Variants in MTRR observed in about 807,000 individuals in gnomAD.
MTRR encodes methionine synthase reductase.
Under a neutral mutation model 79.2 loss-of-function variants are expected in MTRR, and 63 were observed. The observed-to-expected ratio is 0.80, with a 90% CI of 0.65 to 0.98. The LOEUF (loss-of-function observed/expected upper bound fraction) is 0.98, where lower values mean the gene tolerates loss of function less well. Ranked by LOEUF, MTRR falls within the 50% of genes least tolerant of loss-of-function variation. MTRR has a pLI of 0.00. For missense variants in MTRR, 895 were observed against 839.6 expected, an observed-to-expected ratio of 1.07 and a Z score of -0.82; for synonymous variants, 355 against 313.3, an observed-to-expected ratio of 1.13 and a Z score of -1.41.
chr5:7,884,633 A>C lies in MTRR; in HGVS notation c.904-1068A>C, dbSNP rs1736117587. ...AACATTTACGTACAGTTTTAGTCTG[A>C]GATGTGCCTCGATGCACCCCCTCCA... On this transcript the variant is annotated intron_variant, in intron 6 of 14. Coordinates refer to ENST00000440940, the MANE Select transcript of MTRR (RefSeq NM_002454.3). Among the ~76,000 whole-genome samples, 4 of 152,148 alleles carry C rather than the reference A, an allele frequency of 2.6e-5. No individual in the cohort carries two copies. In the South Asian group the frequency reaches 6.2e-4, roughly 24 times the overall value.
chr5:7,873,602 A>G, intron 3 of MTRR, 76 bp downstream of exon 3: 3 of 1,518,622 alleles, frequency 2.0e-6, no homozygotes, highest in Non-Finnish European at 2.7e-6. Context: ...TTTCAGAACT[A>G]TGAAGTGTGA....
chr5:7,869,270 TCTC>T lies in MTRR; in HGVS notation c.-26+58_-26+60del, dbSNP rs141755990. On this transcript the variant is annotated intron_variant, in intron 1 of 14. Transcript: ENST00000440940. ...ATTCCGGCCGCTCGCCCTGCACTAA[TCTC>T]CTGGGAGAGGCGGCCCGGGGCGGGG... The T allele has an allele frequency of 5.8e-3, 9,237 of 1,593,264 alleles. 487 individuals carry two copies. The African/African-American group carries it at 0.11, about 19-fold the overall frequency.
intron 2 of MTRR, chr5:7,872,247 A>T (rs1352540652): frequency 2.2e-6 from 1 of 454,864 alleles, no homozygotes; most frequent in Non-Finnish European, 4.4e-6. Flanking sequence ...AATAAGGTGA[A>T]TTATTTGGAG....
At chr5:7,890,492 A>G (rs1737362016) in intron 9 of MTRR, 1 of 862,938 alleles carries the variant, frequency 1.2e-6, no homozygotes, top group Admixed American at 6.2e-5. Flanking sequence ...ATTTTTTGTT[A>G]CCTTTTAGAA....
chr5:7,875,187 T>G, intron 3 of MTRR, 71 bp from the exon 4 acceptor site: 1 of 997,904 alleles, frequency 1.0e-6, no homozygotes, highest in Non-Finnish European at 1.6e-6. Flanking sequence ...TTTAGATATT[T>G]TATTTACCTA....
intron 1 of MTRR, chr5:7,859,408 C>T (rs375437966): frequency 3.1e-5 from 44 of 1,409,550 alleles, no homozygotes; most frequent in Admixed American, 5.9e-5. Flanking sequence ...GCAAGTTCTT[C>T]CATTGTTTGA....
At position 7,875,362 on chromosome 5, in the gene MTRR, G is replaced by C; in HGVS notation, c.388G>C (p.Asp130His). Residue 130 changes from aspartate to histidine, a missense_variant, in exon 4 of 15, where the codon GAT becomes CAT. Coordinates refer to ENST00000440940, the MANE Select transcript of MTRR (RefSeq NM_002454.3). ...ARHFYDTGHA[D>H]DCVGLELVVE... ...GCATTTCTATGACACTGGACATGCAGATGACTGTGTAGGGTAAGGGCAGTG... is the reference window on the plus strand; with the variant it reads ...GCATTTCTATGACACTGGACATGCACATGACTGTGTAGGGTAAGGGCAGTG... The C allele has an allele frequency of 6.2e-7, 1 of 1,610,718 alleles. No individual in the cohort carries two copies. Among genetic ancestry groups the C allele is most frequent in the Non-Finnish European group, 8.5e-7 (1 of 1,176,894 alleles).
chr5:7,895,661 C>G (rs763218333), intron 11 of MTRR, 73 bp from the exon 12 acceptor site: 205 of 1,577,334 alleles, frequency 1.3e-4, no homozygotes, highest in Non-Finnish European at 1.7e-4. Context: ...ATTTGTTTAG[C>G]AAAGATCATC....
intron 1 of MTRR, among the ~76,000 whole-genome samples, chr5:7,852,274 C>T (rs1746098543): frequency 6.6e-6 from 1 of 152,196 alleles, no homozygotes; most frequent in Non-Finnish European, 1.5e-5. Flanking sequence ...AGATGCCTCT[C>T]TCATTCTGAG....
At chr5:7,889,005 G>A (rs1479937865) in intron 8 of MTRR, 90 bp from the exon 9 acceptor site, 1 of 1,461,278 alleles carries the variant, frequency 6.8e-7, no homozygotes, top group Admixed American at 1.7e-5. Context: ...TTGGGTAATT[G>A]GGTGCATCCC....
intron 1 of MTRR, among the ~76,000 whole-genome samples, chr5:7,852,847 G>A (rs1359726240): frequency 6.6e-6 from 1 of 151,970 alleles, no homozygotes; most frequent in East Asian, 1.9e-4. Context: ...TGTAAGCTTT[G>A]CATTGGTGAC....
chr5:7,856,537 T>G (rs1170995965), intron 1 of MTRR, among the ~76,000 whole-genome samples: 1 of 152,144 alleles, frequency 6.6e-6, no homozygotes. Flanking sequence ...GCACCCAATG[T>G]TCACTGAGTA....
upstream of MTRR, chr5:7,851,025 G>A: frequency 8.0e-7 from 1 of 1,251,632 alleles, no homozygotes; most frequent in Non-Finnish European, 1.0e-6. Flanking sequence ...CCTCCATGCC[G>A]CCACCGTCCA....
upstream of MTRR, chr5:7,866,979 C>G (rs769989253): frequency 1.9e-6 from 3 of 1,614,120 alleles, no homozygotes; most frequent in Admixed American, 1.7e-5. Context: ...CAGACAACTT[C>G]AGGATCCAAC....
chr5:7,853,714 T>A (rs1406116128), intron 1 of MTRR, among the ~76,000 whole-genome samples: 2 of 152,200 alleles, frequency 1.3e-5, no homozygotes, highest in Non-Finnish European at 2.9e-5. Flanking sequence ...GCATGTTTCA[T>A]CACTTGCTCC....
chr5:7,866,031 G>C (rs1430804715), upstream of MTRR: 3 of 1,231,376 alleles, frequency 2.4e-6, no homozygotes, highest in South Asian at 2.9e-5. Flanking sequence ...ATTGAGGTAT[G>C]TATGAGAGAA....
At chr5:7,873,312 C>T in intron 2 of MTRR, 61 bp from the exon 3 acceptor site, 1 of 1,596,268 alleles carries the variant, frequency 6.3e-7, no homozygotes, top group Non-Finnish European at 8.6e-7. Context: ...TGCTTTGCTG[C>T]TGAGTTAAAT....
At chr5:7,853,845 G>C (rs1458008748) in intron 1 of MTRR, among the ~76,000 whole-genome samples, 1 of 152,134 alleles carries the variant, frequency 6.6e-6, no homozygotes, top group African/African-American at 2.4e-5. Context: ...AGGAGCCCTA[G>C]GGCTGACAGC....
At chr5:7,867,689 C>T, upstream of MTRR, 2 of 1,614,204 alleles carry the variant, frequency 1.2e-6, no homozygotes, top group Non-Finnish European at 1.7e-6. Flanking sequence ...TTGTAAAGCT[C>T]CTGCTGCCAT....
Sources: gnomAD v4.1 joint callset for allele counts (sites outside exome capture counted in the v4.1 genomes callset) on GRCh38, gnomAD v4.1.1 for gene constraint, MANE v1.5 for transcripts, NCBI Gene and HGNC (gene_info 2026-07-23, HGNC 2026-07-21) for gene names.